Variants in GHR observed in about 807,000 individuals in gnomAD.
The protein encoded by GHR is GH receptor.
A neutral mutation model predicts 67.1 loss-of-function variants in GHR; 35 were observed. The observed-to-expected ratio is 0.52, with a 90% confidence interval of 0.40 to 0.69. GHR has a LOEUF of 0.69. Ranked by LOEUF, GHR falls within the 30% of genes least tolerant of loss-of-function variation. The probability of loss-of-function intolerance (pLI) is 0.00; values close to 1 mark genes in which losing one functional copy is unlikely to be tolerated. For synonymous variants in GHR, 272 were observed against 269.1 expected (o/e 1.01, Z -0.10); for missense variants, 792 against 764.6 (o/e 1.04, Z -0.42).
chr5:42,468,570 C>T (rs1482969038), intron 1 of GHR: 2 of 926,072 alleles, frequency 2.2e-6, no homozygotes, highest in Non-Finnish European at 3.3e-6. Context: ...TTCTTAAGCA[C>T]CATGGACGGC....
At chr5:42,670,847 T>TAA (rs1756240659) in intron 3 of GHR, among the ~76,000 whole-genome samples, 1 of 114,212 alleles carries the variant, frequency 8.8e-6, no homozygotes, top group Non-Finnish European at 1.8e-5. Flanking sequence ...ATAATTTTTT[T>TAA]TAAAAAAAAG....
rs139527332 is a variant in GHR at position 42,586,888 on chromosome 5, G to A, written c.70+20944G>A. Among the ~76,000 whole-genome samples, 683 of 152,290 alleles carry A rather than the reference G, an allele frequency of 4.5e-3. 4 individuals carry two copies. Among genetic ancestry groups the A allele is most frequent in the South Asian group, 0.013 (65 of 4,826 alleles). ...GGCACTGGGTATAGCAGATAAATTT[G>A]TTGGAGAAATGGTTTATAAATAACA... is the stretch of plus-strand genomic sequence containing the variant. On this transcript the variant is annotated intron_variant, in intron 2 of 9. Transcript: ENST00000230882.
At chr5:42,552,758 G>GA (rs1749103195) in intron 1 of GHR, among the ~76,000 whole-genome samples, 1 of 152,182 alleles carries the variant, frequency 6.6e-6, no homozygotes, top group East Asian at 1.9e-4. Flanking sequence ...TTTGACAACT[G>GA]TGGAGTTGGA....
At chr5:42,498,908 T>G (rs1297219881) in intron 1 of GHR, among the ~76,000 whole-genome samples, 1 of 152,216 alleles carries the variant, frequency 6.6e-6, no homozygotes, top group African/African-American at 2.4e-5. Context: ...TTCTGGTACC[T>G]GAGAAAATTG....
chr5:42,572,132 A>C lies in GHR; in HGVS notation c.70+6188A>C, dbSNP rs142178350. Among the ~76,000 whole-genome samples, 330 of 152,306 alleles carry C rather than the reference A, an allele frequency of 2.2e-3. 2 individuals are homozygous for C. The highest frequency in any genetic ancestry group is 7.6e-3 in the African/African-American group (315 of 41,560). On this transcript the variant is annotated intron_variant, in intron 2 of 9. Coordinates refer to ENST00000230882, the MANE Select transcript of GHR (RefSeq NM_000163.5). ...ACTGTGCATCGAAGTCAATGGGTTT[A>C]TTACTGAGAGTTGGTTCCTTTTAAA... is the stretch of plus-strand genomic sequence containing the variant.
At chr5:42,517,481 C>G (rs1747289803) in intron 1 of GHR, among the ~76,000 whole-genome samples, 1 of 152,092 alleles carries the variant, frequency 6.6e-6, no homozygotes, top group South Asian at 2.1e-4. Flanking sequence ...CATGGCTGAT[C>G]CTTGGAAAAA....
At chr5:42,509,871 GA>G (rs1665237476) in intron 1 of GHR, among the ~76,000 whole-genome samples, 1 of 152,114 alleles carries the variant, frequency 6.6e-6, no homozygotes, top group South Asian at 2.1e-4. Context: ...TGGGTTTTTG[GA>G]AAATCAGTAT....
Position 42,699,814 on chromosome 5 carries a change from A to G in GHR, c.440-10A>G. Reference sequence around the variant, plus strand: ...CTGTCTGTGTACTAATGCTCTGTTGAATTGCACAGTGCAACCAGATCCACC... The same window carrying G: ...CTGTCTGTGTACTAATGCTCTGTTGGATTGCACAGTGCAACCAGATCCACC... On this transcript the variant is annotated splice_polypyrimidine_tract_variant and intron_variant, in intron 5 of 9. Transcript: ENST00000230882. 1 of 1,589,132 alleles carries G rather than the reference A, an allele frequency of 6.3e-7. No individual in the cohort carries two copies. Among genetic ancestry groups the G allele is most frequent in the Non-Finnish European group, 8.6e-7 (1 of 1,157,304 alleles).
chr5:42,647,021 G>T (rs758810682), intron 3 of GHR, among the ~76,000 whole-genome samples: 3 of 152,156 alleles, frequency 2.0e-5, no homozygotes, highest in Non-Finnish European at 2.9e-5. Context: ...AACAGAGGAG[G>T]TAAGTGAATC....
chr5:42,428,439 T>C (rs1367535417), intron 1 of GHR, among the ~76,000 whole-genome samples: 2 of 152,208 alleles, frequency 1.3e-5, no homozygotes, highest in African/African-American at 2.4e-5. Flanking sequence ...CTCTGACATG[T>C]TCTGGAGACA....
At chr5:42,687,338 A>G (rs965723644) in intron 3 of GHR, among the ~76,000 whole-genome samples, 5 of 152,246 alleles carry the variant, frequency 3.3e-5, no homozygotes, top group African/African-American at 1.2e-4. Context: ...TTCATATGGA[A>G]CCAAAAATGA....
intron 1 of GHR, among the ~76,000 whole-genome samples, chr5:42,550,835 G>A (rs768895481): frequency 1.2e-4 from 18 of 152,108 alleles, no homozygotes; most frequent in Non-Finnish European, 2.1e-4. Flanking sequence ...GCAGAATTTT[G>A]ATGTCGTTGG....
intron 1 of GHR, among the ~76,000 whole-genome samples, chr5:42,433,103 G>T (rs1398209281): frequency 6.6e-6 from 1 of 152,244 alleles, no homozygotes; most frequent in South Asian, 2.1e-4. Flanking sequence ...ACATTTAGAA[G>T]TTTTTAGTAC....
intron 3 of GHR, among the ~76,000 whole-genome samples, chr5:42,688,168 C>T (rs1409069633): frequency 6.6e-6 from 1 of 152,134 alleles, no homozygotes; most frequent in Non-Finnish European, 1.5e-5. Flanking sequence ...AGATAAAAGG[C>T]CCTGTAGTGC....
chr5:42,629,037 G>A lies in GHR; in HGVS notation c.71-1G>A. 1.5e-6 allele frequency: 2 copies of A among 1,365,536 alleles called. 1 individual carries two copies. The highest frequency in any genetic ancestry group is 2.0e-6 in the Non-Finnish European group (2 of 984,560). 84.6% of individuals were successfully genotyped at this position (1,365,536 alleles called of 1,614,324 possible). On this transcript the variant is annotated splice_acceptor_variant, in intron 2 of 9. Coordinates refer to ENST00000230882, the MANE Select transcript of GHR (RefSeq NM_000163.5). LOFTEE classifies it high-confidence loss of function. ...ATGGTTTTCTTCTCTTTCTGTTTCA[G>A]CCACAGCAGCTATCCTTAGCAGAGC... is the stretch of plus-strand genomic sequence containing the variant.
rs571795754 is a variant in GHR at position 42,465,694 on chromosome 5, G to A, written c.-12+41739G>A. On this transcript the variant is annotated intron_variant, in intron 1 of 9. Transcript: ENST00000230882. The stretch of plus-strand genomic sequence containing the variant: ...ACAGGTCCTCGTGCTTCAGGCCACT[G>A]TAATGTGAAAAAAAAGATCTATCAC... 5 of 855,410 alleles carry A rather than the reference G, an allele frequency of 5.8e-6. No individual in the cohort carries two copies. In the South Asian group the frequency reaches 6.6e-5, roughly 11 times the overall value. 53.0% of individuals were successfully genotyped at this position (855,410 alleles called of 1,614,324 possible).
chr5:42,479,197 G>T (rs1745490409), intron 1 of GHR, among the ~76,000 whole-genome samples: 1 of 152,062 alleles, frequency 6.6e-6, no homozygotes, highest in Non-Finnish European at 1.5e-5. Context: ...TTATTGATTT[G>T]CATATGTTGA....
chr5:42,676,588 T>TA (rs900085767), intron 3 of GHR, among the ~76,000 whole-genome samples: 5 of 151,080 alleles, frequency 3.3e-5, no homozygotes, highest in African/African-American at 1.2e-4. Context: ...CACCATAGGT[T>TA]AAAAAAAAAG....
chr5:42,591,896 A>G (rs920375998), intron 2 of GHR, among the ~76,000 whole-genome samples: 1 of 152,160 alleles, frequency 6.6e-6, no homozygotes, highest in Non-Finnish European at 1.5e-5. Flanking sequence ...GGGTATGTGC[A>G]TTTTAATAGA....
Sources: gnomAD v4.1 joint callset for allele counts (sites outside exome capture counted in the v4.1 genomes callset) on GRCh38, gnomAD v4.1.1 for gene constraint, MANE v1.5 for transcripts, NCBI Gene and HGNC (gene_info 2026-07-23, HGNC 2026-07-21) for gene names.